PARN: variants seen among roughly 807,000 people sequenced by gnomAD.
PARN encodes the protein poly(A)-specific ribonuclease.
PARN carries 71 observed loss-of-function variants against 102.8 expected under a neutral mutation model. The observed-to-expected ratio is 0.69, with a 90% CI of 0.57 to 0.84. The LOEUF is 0.84. Ranked by LOEUF, PARN falls within the 40% of genes least tolerant of loss-of-function variation. The pLI, the probability that PARN is intolerant of heterozygous loss-of-function variation, is 0.00. For missense variants in PARN, 782 were observed against 760.9 expected, an observed-to-expected ratio of 1.03 and a Z score of -0.33; for synonymous variants, 261 against 252.9, an observed-to-expected ratio of 1.03 and a Z score of -0.30.
rs1322560294 is a variant in PARN, at chr16:14,606,589, T to C, written c.660-63A>G. 14 of 850,096 alleles carry C rather than the reference T, an allele frequency of 1.6e-5. 1 individual carries two copies. Among genetic ancestry groups the C allele is most frequent in the Admixed American group, 1.0e-4 (4 of 38,810 alleles). The allele number at this position is 850,096 out of a possible 1,614,324, so 52.7% of individuals were successfully genotyped here. ...AATGACAGCTAAATCCCAAAGTATT[T>C]TATAAGCAACTATCCAGCTACTAAT... On this transcript the variant is annotated intron_variant, in intron 9 of 23. Transcript: ENST00000437198.
intron 23 of PARN, among the ~76,000 whole-genome samples, chr16:14,441,105 A>G (rs367814548): frequency 3.3e-5 from 5 of 152,186 alleles, no homozygotes; most frequent in East Asian, 1.9e-4. Context: ...GCTTATAGTT[A>G]AGATTATTTG....
At chr16:14,617,557 T>C in intron 6 of PARN, 33 bp downstream of exon 6, 1 of 1,038,576 alleles carries the variant, frequency 9.6e-7, no homozygotes, top group South Asian at 1.3e-5. Flanking sequence ...TGAAGGTTTA[T>C]AAGCTCTAAA....
intron 5 of PARN, among the ~76,000 whole-genome samples, chr16:14,621,492 A>G (rs550425981): frequency 6.6e-6 from 1 of 152,290 alleles, no homozygotes; most frequent in South Asian, 2.1e-4. Flanking sequence ...TTTATGTTAC[A>G]TATATTTTAC....
chr16:14,507,679 A>G (rs1322375137), intron 21 of PARN, among the ~76,000 whole-genome samples: 3 of 152,188 alleles, frequency 2.0e-5, no homozygotes, highest in Non-Finnish European at 4.4e-5. Context: ...ACAGGGGGAA[A>G]AAAAAAAGAG....
chr16:14,501,296 AT>A (rs61166111), intron 21 of PARN, among the ~76,000 whole-genome samples: 8,539 of 99,740 alleles, frequency 0.086, 636 homozygotes, highest in African/African-American at 0.21. Context: ...CAAAAAAACA[AT>A]AATAATAATA....
At chr16:14,455,676 A>T (rs1345813453) in intron 22 of PARN, among the ~76,000 whole-genome samples, 2 of 152,058 alleles carry the variant, frequency 1.3e-5, no homozygotes, top group Non-Finnish European at 2.9e-5. Flanking sequence ...GCAAAACTCA[A>T]TAGATTTTTA....
chr16:14,590,406 G>A (rs946270819), intron 13 of PARN, among the ~76,000 whole-genome samples: 6 of 151,576 alleles, frequency 4.0e-5, no homozygotes, highest in African/African-American at 9.7e-5. Context: ...AGGCGGAGGC[G>A]GGTGGATCAC....
chr16:14,593,385 A>C lies in PARN; in HGVS notation c.841-7T>G, dbSNP rs772743842. The C allele has an allele frequency of 1.3e-6, 2 of 1,543,434 alleles. No homozygotes were observed. The highest frequency in any genetic ancestry group is 3.4e-4 in the Middle Eastern group (2 of 5,918). ...GTCCAATAACAAGTTTTCCCTAAAGAAAGTCAAGGTTAGAAAAAAGACTTC... is the reference window on the plus strand; with the variant it reads ...GTCCAATAACAAGTTTTCCCTAAAGCAAGTCAAGGTTAGAAAAAAGACTTC... On this transcript the variant is annotated splice_region_variant and splice_polypyrimidine_tract_variant and intron_variant, in intron 12 of 23. Coordinates refer to ENST00000437198, the MANE Select transcript of PARN (RefSeq NM_002582.4).
intron 12 of PARN, among the ~76,000 whole-genome samples, chr16:14,595,344 G>A (rs889850722): frequency 2.6e-5 from 4 of 151,944 alleles, no homozygotes; most frequent in African/African-American, 9.7e-5. Context: ...ATACACCCAT[G>A]CGCACACACA....
intron 12 of PARN, among the ~76,000 whole-genome samples, 196 bp from the exon 13 acceptor site, chr16:14,593,574 G>A (rs1970332410): frequency 7.1e-6 from 1 of 141,102 alleles, no homozygotes; most frequent in African/African-American, 2.6e-5. Context: ...ATTTTGGAAT[G>A]TTAAATCCAG....
At chr16:14,553,012 G>A (rs1967415741) in intron 20 of PARN, among the ~76,000 whole-genome samples, 1 of 151,728 alleles carries the variant, frequency 6.6e-6, no homozygotes, top group Admixed American at 6.6e-5. Flanking sequence ...CTTAACGTTC[G>A]TTCTGACTTA....
intron 22 of PARN, among the ~76,000 whole-genome samples, chr16:14,474,762 G>A (rs975254289): frequency 2.6e-5 from 4 of 152,188 alleles, no homozygotes. Context: ...TGTCCACTCT[G>A]CCCTATGGCT....
intron 22 of PARN, among the ~76,000 whole-genome samples, chr16:14,454,891 T>G (rs1377789984): frequency 2.6e-5 from 4 of 152,234 alleles, no homozygotes; most frequent in Non-Finnish European, 1.5e-5. Flanking sequence ...CAGGGGTCAG[T>G]TCTATAAAGT....
chr16:14,594,442 G>A (rs1970385125), intron 12 of PARN, among the ~76,000 whole-genome samples: 1 of 152,168 alleles, frequency 6.6e-6, no homozygotes, highest in Admixed American at 6.5e-5. Context: ...GGCCGGGCGT[G>A]GTGGCTCACA....
At chr16:14,557,952 T>C (rs1407476868) in intron 18 of PARN, among the ~76,000 whole-genome samples, 1 of 152,166 alleles carries the variant, frequency 6.6e-6, no homozygotes, top group Non-Finnish European at 1.5e-5. Flanking sequence ...TATTTTCGCC[T>C]ACCAGAACCT....
chr16:14,507,841 A>C (rs1162078879), intron 21 of PARN, among the ~76,000 whole-genome samples: 1 of 152,238 alleles, frequency 6.6e-6, no homozygotes, highest in African/African-American at 2.4e-5. Flanking sequence ...CTATTGAGTA[A>C]ATAAATTATG....
intron 21 of PARN, among the ~76,000 whole-genome samples, chr16:14,527,828 C>A (rs1243952306): frequency 1.3e-5 from 2 of 152,006 alleles, no homozygotes; most frequent in Non-Finnish European, 2.9e-5. Flanking sequence ...ATAAAAAGGA[C>A]AAAAATTCAA....
intron 22 of PARN, among the ~76,000 whole-genome samples, chr16:14,455,983 A>G (rs534902573): frequency 6.6e-6 from 1 of 152,124 alleles, no homozygotes. Flanking sequence ...CATTTTTCTC[A>G]CAATTTGGAA....
chr16:14,476,809 A>T (rs1243450570), intron 22 of PARN, among the ~76,000 whole-genome samples: 1 of 152,262 alleles, frequency 6.6e-6, no homozygotes, highest in Non-Finnish European at 1.5e-5. Context: ...AATCTGGAAC[A>T]ACGACTTTAA....
Sources: gnomAD v4.1 joint callset for allele counts (sites outside exome capture counted in the v4.1 genomes callset) on GRCh38, gnomAD v4.1.1 for gene constraint, MANE v1.5 for transcripts, NCBI Gene and HGNC (gene_info 2026-07-23, HGNC 2026-07-21) for gene names.